ZFHX4: variants seen among roughly 807,000 people sequenced by gnomAD.
The protein encoded by ZFHX4 is zinc finger homeobox 4, also known as zinc finger homeobox protein 4.
ZFHX4 carries 56 observed loss-of-function variants against 267.6 expected under a neutral mutation model. That is an observed-to-expected ratio of 0.21 (90% CI 0.17 to 0.26). The LOEUF is 0.26. ZFHX4 is among the 10% of genes least tolerant of loss of function. ZFHX4 has a pLI of 1.00. For synonymous variants in ZFHX4, 1,778 were observed against 1,665.6 expected, an observed-to-expected ratio of 1.07 and a Z score of -1.64; for missense variants, 4,332 against 4,420.0, an observed-to-expected ratio of 0.98 and a Z score of 0.56.
In ZFHX4 at chr8:76,852,525, A is replaced by G; in HGVS notation, c.5604A>G (p.Pro1868=). Residue 1868 remains proline, a synonymous_variant, in exon 10 of 11, where the codon CCA becomes CCG. Coordinates refer to ENST00000651372, the MANE Select transcript of ZFHX4 (RefSeq NM_024721.5). ...ATATTTCTGAAAAGCCAGAAAAACC[A>G]AAGCAGGAATTTATAAGTGAAGGTG... ...AEDISEKPEK[P]KQEFISEGEG... The G allele has an allele frequency of 1.2e-6, 2 of 1,608,780 alleles. No individual in the cohort carries two copies. The highest frequency in any genetic ancestry group is 1.3e-5 in the African/African-American group (1 of 74,994).
intron 3 of ZFHX4, among the ~76,000 whole-genome samples, chr8:76,734,244 T>A (rs943717063): frequency 6.6e-6 from 1 of 152,176 alleles, no homozygotes; most frequent in East Asian, 1.9e-4. Flanking sequence ...CATGAGAGCC[T>A]GGTGATGAGG....
rs547299294 is a variant in ZFHX4, at chr8:76,813,300, G to A, written c.3326-20038G>A. Among the ~76,000 whole-genome samples, 15 of 152,052 alleles carry A rather than the reference G, an allele frequency of 9.9e-5. No individual in the cohort carries two copies. The South Asian group carries it at 2.5e-3, about 25-fold the overall frequency. Reference sequence around the variant, plus strand: ...GCACCTTTTTCCCCGGTACAGTCTCGTAAGAATTTTCTTTTATTGAGAATA... The same window carrying A: ...GCACCTTTTTCCCCGGTACAGTCTCATAAGAATTTTCTTTTATTGAGAATA... On this transcript the variant is annotated intron_variant, in intron 4 of 10. Transcript: ENST00000651372.
chr8:76,760,858 G>A (rs1476965326), intron 3 of ZFHX4, among the ~76,000 whole-genome samples: 3 of 145,068 alleles, frequency 2.1e-5, no homozygotes, highest in Admixed American at 7.0e-5. Flanking sequence ...GAGCCAAAGC[G>A]ATTGAGGCTG....
chr8:76,780,206 A>C (rs372463135), intron 4 of ZFHX4, among the ~76,000 whole-genome samples: 1 of 152,172 alleles, frequency 6.6e-6, no homozygotes, highest in African/African-American at 2.4e-5. Context: ...CTGAATGTCA[A>C]ATCTTCTATT....
chr8:76,691,972 G>C (rs1807836320), intron 1 of ZFHX4, among the ~76,000 whole-genome samples: 1 of 152,092 alleles, frequency 6.6e-6, no homozygotes, highest in African/African-American at 2.4e-5. Context: ...ATGTCTAAGA[G>C]GTGGGGGAAA....
At chr8:76,842,000 T>C (rs1300006058) in intron 5 of ZFHX4, among the ~76,000 whole-genome samples, 3 of 152,258 alleles carry the variant, frequency 2.0e-5, no homozygotes, top group Non-Finnish European at 2.9e-5. Context: ...TGAGTTACTA[T>C]GAGGATTTCC....
rs773212349 is a variant in ZFHX4, at chr8:76,854,347, C to A, written c.7426C>A (p.Gln2476Lys). The change falls in exon 10 of 11, where the codon CAA (glutamine) becomes AAA (lysine). Residue 2476 changes from glutamine to lysine, a missense_variant. By Grantham distance (53) the Gln-to-Lys change is moderately conservative (BLOSUM62 1). This residue lies in a region of ZFHX4 where 1,648 missense variants were observed against 1,625.0 expected (regional missense o/e 1.01). Transcript: ENST00000651372. ...AACACCGGTCCCTTCCAGTCCACTG[C>A]AAATTTCCATGACGTCTCTCCAGAA... ...SQTPVPSSPL[Q>K]ISMTSLQNSL... The A allele has an allele frequency of 9.4e-5, 151 of 1,613,776 alleles. No homozygotes were observed. The highest frequency in any genetic ancestry group is 1.2e-4 in the Non-Finnish European group (145 of 1,179,874).
At chr8:76,813,056 A>G (rs1811417780) in intron 4 of ZFHX4, among the ~76,000 whole-genome samples, 1 of 152,164 alleles carries the variant, frequency 6.6e-6, no homozygotes, top group African/African-American at 2.4e-5. Context: ...AGGATCTTTA[A>G]TGCTACTAAT....
chr8:76,836,416 G>A (rs749202473), intron 5 of ZFHX4, among the ~76,000 whole-genome samples: 1 of 152,128 alleles, frequency 6.6e-6, no homozygotes, highest in Non-Finnish European at 1.5e-5. Context: ...GACCTTACTT[G>A]TGTGACAGCT....
chr8:76,832,495 G>A (rs1811961804), intron 4 of ZFHX4, among the ~76,000 whole-genome samples: 1 of 152,102 alleles, frequency 6.6e-6, no homozygotes, highest in Non-Finnish European at 1.5e-5. Context: ...TGAGGGATTG[G>A]ATTGGAAAGA....
intron 3 of ZFHX4, among the ~76,000 whole-genome samples, chr8:76,722,279 A>T (rs571069804): frequency 6.6e-6 from 1 of 152,208 alleles, no homozygotes; most frequent in African/African-American, 2.4e-5. Context: ...ACCATATCAC[A>T]TGCTAAAAGA....
At position 76,852,119 on chromosome 8, in the gene ZFHX4, A is replaced by G. The variant is rs374845535; in HGVS notation, c.5198A>G (p.Gln1733Arg). Reference protein sequence around the residue: ...PMTPEALLQFQQPQFLFPFYI... With the variant: ...PMTPEALLQFRQPQFLFPFYI... ...ACCCCAGAAGCACTGCTGCAGTTTC[A>G]GCAGCCTCAGTTTCTCTTTCCATTT... Residue 1733 changes from glutamine (Q) to arginine (R), a missense_variant, in exon 10 of 11, where the codon CAG (glutamine) becomes CGG (arginine). Physicochemically the swap from Gln to Arg is conservative, Grantham distance 43 (BLOSUM62 1). Coordinates refer to ENST00000651372, the MANE Select transcript of ZFHX4 (RefSeq NM_024721.5). The G allele has an allele frequency of 3.4e-5, 55 of 1,613,866 alleles. No individual in the cohort carries two copies. The highest frequency in any genetic ancestry group is 4.3e-5 in the Non-Finnish European group (51 of 1,179,882).
At chr8:76,734,826 C>T (rs577450932) in intron 3 of ZFHX4, among the ~76,000 whole-genome samples, 1 of 152,112 alleles carries the variant, frequency 6.6e-6, no homozygotes, top group Non-Finnish European at 1.5e-5. Context: ...AGAACACAGA[C>T]ATATTTTAGT....
At chr8:76,710,512 A>C (rs1808396030) in intron 3 of ZFHX4, among the ~76,000 whole-genome samples, 1 of 152,200 alleles carries the variant, frequency 6.6e-6, no homozygotes, top group South Asian at 2.1e-4. Context: ...TGATGGTGAA[A>C]ATATTAAAAT....
At chr8:76,817,228 C>A (rs997802102) in intron 4 of ZFHX4, among the ~76,000 whole-genome samples, 2 of 151,804 alleles carry the variant, frequency 1.3e-5, no homozygotes, top group African/African-American at 4.8e-5. Context: ...AATAAAATCC[C>A]TTTTAAAGAA....
chr8:76,737,066 A>C (rs1307727686), intron 3 of ZFHX4, among the ~76,000 whole-genome samples: 2 of 152,170 alleles, frequency 1.3e-5, no homozygotes, highest in African/African-American at 2.4e-5. Context: ...CTTAGAATTT[A>C]AACACTTGTT....
At position 76,852,657 on chromosome 8, in the gene ZFHX4, A is replaced by G; in HGVS notation, c.5736A>G (p.Leu1912=). The change falls in exon 10 of 11, where the codon TTA becomes TTG. Residue 1912 remains leucine, a synonymous_variant. Transcript: ENST00000651372. The part of the protein sequence containing the change: ...SGARGNAAKA[L]LENFGFELVI... ...CCAGAGGAAATGCTGCCAAAGCGTT[A>G]TTGGAAAACTTTGGTTTTGAACTGG... 6.2e-7 allele frequency: 1 copy of G among 1,613,784 alleles called. No homozygotes were observed. The highest frequency in any genetic ancestry group is 8.5e-7 in the Non-Finnish European group (1 of 1,179,778).
chr8:76,724,998 T>C (rs1429085342), intron 3 of ZFHX4, among the ~76,000 whole-genome samples: 1 of 152,090 alleles, frequency 6.6e-6, no homozygotes, highest in Admixed American at 6.6e-5. Flanking sequence ...AGTGTGTGTG[T>C]ACAGGTATAT....
chr8:76,685,089 C>T (rs774338635), intron 1 of ZFHX4, among the ~76,000 whole-genome samples: 1 of 152,172 alleles, frequency 6.6e-6, no homozygotes, highest in Non-Finnish European at 1.5e-5. Context: ...ACAATTATTT[C>T]TTAAAGATAA....
Sources: allele counts gnomAD v4.1 joint callset (sites outside exome capture counted in the v4.1 genomes callset), GRCh38; gene constraint gnomAD v4.1.1; regional missense constraint gnomAD v4.1.1; transcripts MANE v1.5; gene names NCBI Gene and HGNC (gene_info 2026-07-23, HGNC 2026-07-21).